The following TMEM192 variants were observed in gnomAD, a reference collection of about 807,000 sequenced individuals.
The protein encoded by TMEM192 is transmembrane protein 192.
TMEM192 carries 20 observed loss-of-function variants against 26.7 expected under a neutral mutation model. The ratio of observed to expected loss-of-function variants is 0.75; its 90% CI spans 0.53 to 1.09. The LOEUF is 1.09. Ranked by LOEUF, TMEM192 falls within the 50% of genes least tolerant of loss-of-function variation. TMEM192 has a pLI of 0.00. For synonymous variants in TMEM192, 124 were observed against 121.0 expected, an observed-to-expected ratio of 1.02 and a Z score of -0.16; for missense variants, 304 against 322.6, an observed-to-expected ratio of 0.94 and a Z score of 0.44.
intron 1 of TMEM192, among the ~76,000 whole-genome samples, chr4:165,106,872 T>C (rs1735173416): frequency 6.6e-6 from 1 of 152,178 alleles, no homozygotes; most frequent in South Asian, 2.1e-4. Context: ...TTCTCCCTAA[T>C]AAACCCCCTT....
At chr4:165,109,437 C>T (rs999427127) in intron 1 of TMEM192, among the ~76,000 whole-genome samples, 1 of 152,338 alleles carries the variant, frequency 6.6e-6, no homozygotes, top group East Asian at 1.9e-4. Context: ...TCTTGGCTCA[C>T]TGCAACCTCT....
chr4:165,077,120 T>C lies in TMEM192; in HGVS notation c.*2538A>G, dbSNP rs1030844649. ...CAGCTGTTTTGCTACTTCTGATACT[T>C]AGTTTCATTTTCATTTATTGTTTGA... On this transcript the variant is annotated 3_prime_UTR_variant, in exon 6 of 6. Coordinates refer to ENST00000306480, the MANE Select transcript of TMEM192 (RefSeq NM_001100389.2). 1 of 152,240 alleles carries C rather than the reference T, an allele frequency of 6.6e-6. No homozygotes were observed. 9.4% of individuals were successfully genotyped at this position (152,240 alleles called of 1,614,324 possible).
At chr4:165,108,651 GTTCC>G in intron 1 of TMEM192, among the ~76,000 whole-genome samples, 1 of 152,272 alleles carries the variant, frequency 6.6e-6, no homozygotes, top group Non-Finnish European at 1.5e-5. Flanking sequence ...TGGAGAAACT[GTTCC>G]TTCCAATCCT....
chr4:165,106,744 G>A (rs888665210), intron 1 of TMEM192, among the ~76,000 whole-genome samples: 1 of 152,206 alleles, frequency 6.6e-6, no homozygotes, highest in Non-Finnish European at 1.5e-5. Context: ...TGAAGGCTGC[G>A]CTGTTGGCTT....
rs1009733020 is a variant in TMEM192 at position 165,077,390 on chromosome 4, C to A, written c.*2268G>T. 1 of 152,170 alleles carries A rather than the reference C, an allele frequency of 6.6e-6. No individual in the cohort carries two copies. The highest frequency in any genetic ancestry group is 2.4e-5 in the African/African-American group (1 of 41,444). 9.4% of individuals were successfully genotyped at this position (152,170 alleles called of 1,614,324 possible). On this transcript the variant is annotated 3_prime_UTR_variant, in exon 6 of 6. Transcript: ENST00000306480. ...CAACTGAAGGCAAAGTTTATAGGCTCTTCCAGAACAGAGAAACAGATTTCT... is the reference window on the plus strand; with the variant it reads ...CAACTGAAGGCAAAGTTTATAGGCTATTCCAGAACAGAGAAACAGATTTCT...
rs201989999 is a variant in TMEM192, at chr4:165,112,823, G to A, written c.-50C>T. 126 of 1,593,888 alleles carry A rather than the reference G, an allele frequency of 7.9e-5. 1 individual carries two copies. In the East Asian group the frequency reaches 2.5e-3, roughly 31 times the overall value. On this transcript the variant is annotated 5_prime_UTR_variant, in exon 1 of 6. Transcript: ENST00000306480. ...CTGGCCAGCCCGGCCTCTCCACCTG[G>A]ACCTGTAAGCCTCTGGCCGCGAAAC... is the stretch of plus-strand genomic sequence containing the variant.
rs1441653566 is a variant in TMEM192 at position 165,082,055 on chromosome 4, C to T, written c.678-2259G>A. 5.6e-5 allele frequency among the ~76,000 whole-genome samples: 2 copies of T among 35,718 alleles called. 1 individual carries two copies. The highest frequency in any genetic ancestry group is 1.0e-4 in the African/African-American group (2 of 19,742). 23.4% of individuals were successfully genotyped at this position (35,718 alleles called of 152,430 possible). ...CATGATCTCGGCTCACAGCAACCTC[C>T]GCCTCCAGGGTTCCCGCGATTCTCC... On this transcript the variant is annotated intron_variant, in intron 5 of 5. Transcript: ENST00000306480.
chr4:165,090,222 A>G (rs975871059), intron 3 of TMEM192, among the ~76,000 whole-genome samples: 4 of 145,692 alleles, frequency 2.7e-5, no homozygotes, highest in South Asian at 2.1e-4. Flanking sequence ...GGAAAAAAAA[A>G]AAAAAAAAAA....
In TMEM192 at chr4:165,074,309, G is replaced by A. The variant is rs4554024; in HGVS notation, c.*5349C>T. 0.87 allele frequency: 131,913 copies of A among 152,182 alleles called. 57,997 individuals carry two copies. The highest frequency in any genetic ancestry group is 0.96 in the East Asian group (4,996 of 5,182). 9.4% of individuals were successfully genotyped at this position (152,182 alleles called of 1,614,324 possible). ...AATTAGAGATAGGCTTCCCTGGTTTGCGAATGAAACAATTTTCCTTAGGAA... is the reference window on the plus strand; with the variant it reads ...AATTAGAGATAGGCTTCCCTGGTTTACGAATGAAACAATTTTCCTTAGGAA... On this transcript the variant is annotated 3_prime_UTR_variant, in exon 6 of 6. Coordinates refer to ENST00000306480, the MANE Select transcript of TMEM192 (RefSeq NM_001100389.2).
At chr4:165,102,862 T>C (rs543814311) in intron 2 of TMEM192, 88 bp downstream of exon 2, 21 of 1,249,306 alleles carry the variant, frequency 1.7e-5, no homozygotes, top group Non-Finnish European at 2.2e-5. Flanking sequence ...TAAATGTTGA[T>C]AGATACAGCA....
intron 1 of TMEM192, 49 bp from the exon 2 acceptor site, chr4:165,103,145 TG>T: frequency 6.6e-7 from 1 of 1,524,288 alleles, no homozygotes; most frequent in Non-Finnish European, 8.8e-7. Context: ...TTCTAGATTA[TG>T]TTTCTAAGAC....
At chr4:165,084,334 G>A (rs966759310) in intron 5 of TMEM192, among the ~76,000 whole-genome samples, 2 of 151,490 alleles carry the variant, frequency 1.3e-5, no homozygotes, top group Non-Finnish European at 2.9e-5. Flanking sequence ...AAGTAGCTGG[G>A]ATTACAGGTA....
chr4:165,095,660 TGGACCC>T, intron 3 of TMEM192, among the ~76,000 whole-genome samples: 1 of 152,334 alleles, frequency 6.6e-6, no homozygotes, highest in South Asian at 2.1e-4. Context: ...AGAGACTGAC[TGGACCC>T]ACATGATGGG....
At chr4:165,102,100 G>A (rs1315400859) in intron 2 of TMEM192, among the ~76,000 whole-genome samples, 1 of 152,130 alleles carries the variant, frequency 6.6e-6, no homozygotes, top group African/African-American at 2.4e-5. Flanking sequence ...CACCAGTGAG[G>A]CCTGCGATAA....
intron 3 of TMEM192, among the ~76,000 whole-genome samples, chr4:165,097,746 CTAGGACTA>C (rs1734947206): frequency 6.6e-6 from 1 of 151,290 alleles, no homozygotes; most frequent in African/African-American, 2.4e-5. Flanking sequence ...TCCCAAGTAG[CTAGGACTA>C]CAGGCACAGG....
intron 1 of TMEM192, among the ~76,000 whole-genome samples, chr4:165,104,410 T>C (rs537873138): frequency 9.2e-5 from 14 of 152,304 alleles, no homozygotes; most frequent in South Asian, 4.1e-4. Flanking sequence ...GAGATGGCTG[T>C]TGATTGCTAA....
chr4:165,092,123 T>C, intron 3 of TMEM192, among the ~76,000 whole-genome samples: 1 of 135,972 alleles, frequency 7.4e-6, no homozygotes, highest in Non-Finnish European at 1.6e-5. Context: ...TTTTTTTTTT[T>C]TTTTTTTTTT....
chr4:165,112,662 C>T (rs1735322968), intron 1 of TMEM192, 85 bp downstream of exon 1: 2 of 1,570,394 alleles, frequency 1.3e-6, no homozygotes, highest in Non-Finnish European at 1.7e-6. Context: ...AGGGTGGCTT[C>T]CCTCTCTGAG....
intron 3 of TMEM192, among the ~76,000 whole-genome samples, chr4:165,099,035 T>C (rs1214231467): frequency 6.6e-6 from 1 of 150,868 alleles, no homozygotes; most frequent in Non-Finnish European, 1.5e-5. Flanking sequence ...TATTCTGGAC[T>C]CAAATTGAAA....
Sources: allele counts gnomAD v4.1 joint callset (sites outside exome capture counted in the v4.1 genomes callset), GRCh38; gene constraint gnomAD v4.1.1; transcripts MANE v1.5; gene names NCBI Gene and HGNC (gene_info 2026-07-23, HGNC 2026-07-21).